Variants in DAB1 observed in about 807,000 individuals in gnomAD.
DAB1 encodes DAB adaptor protein 1.
DAB1 carries 15 observed loss-of-function variants against 64.6 expected under a neutral mutation model. That is an observed-to-expected ratio of 0.23 (90% CI 0.16 to 0.36). DAB1 has a LOEUF of 0.36. Ranked by LOEUF, DAB1 falls within the 10% of genes least tolerant of loss-of-function variation. DAB1 has a pLI of 1.00. For synonymous variants in DAB1, 235 were observed against 251.9 expected (o/e 0.93, Z 0.64); for missense variants, 596 against 706.7 (o/e 0.84, Z 1.78).
intron 5 of DAB1, among the ~76,000 whole-genome samples, chr1:57,974,505 T>G (rs116342927): frequency 0.02 from 3,066 of 151,732 alleles, 119 homozygotes; most frequent in African/African-American, 0.071. Flanking sequence ...TATATAGATA[T>G]ATAGATAGAT....
chr1:57,719,911 A>G (rs957055165), intron 6 of DAB1, among the ~76,000 whole-genome samples: 4 of 152,344 alleles, frequency 2.6e-5, no homozygotes, highest in African/African-American at 9.6e-5. Context: ...ATCTGAAAGT[A>G]TGCTAGGTGT....
intron 3 of DAB1, among the ~76,000 whole-genome samples, chr1:58,428,163 T>C (rs957302754): frequency 1.3e-5 from 2 of 152,234 alleles, no homozygotes; most frequent in African/African-American, 4.8e-5. Context: ...ATGATCACCA[T>C]TTTGTTAACC....
At chr1:57,337,534 T>G (rs1007248338) in intron 1 of DAB1, among the ~76,000 whole-genome samples, 2 of 152,182 alleles carry the variant, frequency 1.3e-5, no homozygotes, top group Non-Finnish European at 2.9e-5. Flanking sequence ...CAAACCCCAC[T>G]CTCTGTACTC....
At chr1:57,946,968 T>A (rs1645193278) in intron 5 of DAB1, among the ~76,000 whole-genome samples, 1 of 151,962 alleles carries the variant, frequency 6.6e-6, no homozygotes, top group East Asian at 1.9e-4. Context: ...GATCTTAGAG[T>A]CCATTTTTCA....
chr1:58,394,731 C>CG (rs1644504574), intron 3 of DAB1, among the ~76,000 whole-genome samples: 1 of 151,974 alleles, frequency 6.6e-6, no homozygotes, highest in Non-Finnish European at 1.5e-5. Context: ...AATGATTGCC[C>CG]GGGGCTGGCA....
intron 4 of DAB1, among the ~76,000 whole-genome samples, chr1:58,290,191 G>C (rs1287460680): frequency 6.6e-6 from 1 of 152,144 alleles, no homozygotes; most frequent in Non-Finnish European, 1.5e-5. Flanking sequence ...TGACAGAGAG[G>C]AATGTAAAGT....
At chr1:57,162,936 C>T (rs1660894469) in intron 2 of DAB1, among the ~76,000 whole-genome samples, 1 of 152,188 alleles carries the variant, frequency 6.6e-6, no homozygotes, top group South Asian at 2.1e-4. Context: ...GTAGAATGTG[C>T]TGGAAGAGAC....
chr1:57,217,262 A>T (rs1426114702), intron 2 of DAB1, among the ~76,000 whole-genome samples: 2 of 152,240 alleles, frequency 1.3e-5, no homozygotes, highest in Non-Finnish European at 2.9e-5. Context: ...CTCTTTGAAG[A>T]TAAGGATATT....
chr1:57,317,855 G>A (rs981768939), intron 1 of DAB1, among the ~76,000 whole-genome samples: 3 of 151,984 alleles, frequency 2.0e-5, no homozygotes, highest in Non-Finnish European at 4.4e-5. Context: ...CAACCTCAAT[G>A]AGATTTTATT....
At chr1:58,363,127 G>A (rs1168858321) in intron 3 of DAB1, among the ~76,000 whole-genome samples, 1 of 152,100 alleles carries the variant, frequency 6.6e-6, no homozygotes, top group Non-Finnish European at 1.5e-5. Flanking sequence ...CCTCTCAAAG[G>A]CCCCATCTCC....
chr1:58,186,771 C>T (rs554612961), intron 4 of DAB1, among the ~76,000 whole-genome samples: 1 of 152,160 alleles, frequency 6.6e-6, no homozygotes, highest in South Asian at 2.1e-4. Flanking sequence ...TCTAGGCTGG[C>T]TTTGGTTGAC....
intron 6 of DAB1, among the ~76,000 whole-genome samples, chr1:57,761,220 G>A (rs1200672570): frequency 6.6e-6 from 1 of 152,180 alleles, no homozygotes; most frequent in East Asian, 1.9e-4. Context: ...CCTTTAACAA[G>A]TGTCTATCCC....
intron 5 of DAB1, among the ~76,000 whole-genome samples, chr1:58,033,905 G>A (rs1647006740): frequency 3.9e-5 from 6 of 152,094 alleles, no homozygotes; most frequent in Admixed American, 3.9e-4. Flanking sequence ...ATAGTGCTAT[G>A]ATATCCAGGG....
chr1:57,971,357 T>C (rs935177954), intron 5 of DAB1, among the ~76,000 whole-genome samples: 1 of 152,226 alleles, frequency 6.6e-6, no homozygotes, highest in Non-Finnish European at 1.5e-5. Flanking sequence ...GAAGGTCAGC[T>C]GCTTATTCCT....
At chr1:58,099,297 T>C (rs1284473739) in intron 5 of DAB1, among the ~76,000 whole-genome samples, 1 of 152,226 alleles carries the variant, frequency 6.6e-6, no homozygotes, top group Non-Finnish European at 1.5e-5. Flanking sequence ...TAGGGGCTTA[T>C]CCTGCATATT....
At chr1:57,170,381 T>C (rs1171605475) in intron 2 of DAB1, among the ~76,000 whole-genome samples, 1 of 152,154 alleles carries the variant, frequency 6.6e-6, no homozygotes, top group Non-Finnish European at 1.5e-5. Context: ...GAACATTACA[T>C]ACTTTGCAAA....
At chr1:57,755,511 C>T (rs963628014) in intron 6 of DAB1, among the ~76,000 whole-genome samples, 1 of 152,134 alleles carries the variant, frequency 6.6e-6, no homozygotes, top group Non-Finnish European at 1.5e-5. Context: ...GGTTTTTAAA[C>T]TTTGCCACTT....
chr1:57,895,382 G>A (rs904508937), intron 5 of DAB1, among the ~76,000 whole-genome samples: 6 of 152,170 alleles, frequency 3.9e-5, no homozygotes, highest in African/African-American at 1.4e-4. Context: ...TGGAATTAAG[G>A]CTTGAAATCA....
intron 5 of DAB1, among the ~76,000 whole-genome samples, chr1:57,901,222 C>G (rs772298785): frequency 1.3e-4 from 20 of 152,080 alleles, no homozygotes; most frequent in Non-Finnish European, 1.9e-4. Context: ...TTATATTGGC[C>G]TAACCCCTAA....
Sources: gnomAD v4.1 joint callset for allele counts (sites outside exome capture counted in the v4.1 genomes callset) on GRCh38, gnomAD v4.1.1 for gene constraint, MANE v1.5 for transcripts, NCBI Gene and HGNC (gene_info 2026-07-23, HGNC 2026-07-21) for gene names.